Variants in PDZRN3 observed in about 807,000 individuals in gnomAD.
PDZRN3 encodes the protein PDZ domain containing ring finger 3, also known as E3 ubiquitin-protein ligase PDZRN3.
In PDZRN3, 38 loss-of-function variants were observed where a neutral mutation model predicts 85.7. That is an observed-to-expected ratio of 0.44 (90% CI 0.34 to 0.58). The LOEUF (loss-of-function observed/expected upper bound fraction) is 0.58, where lower values mean the gene tolerates loss of function less well. Ranked by LOEUF, PDZRN3 falls within the 20% of genes least tolerant of loss-of-function variation. The pLI is 0.01. For synonymous variants in PDZRN3, 759 were observed against 638.0 expected (o/e 1.19, Z -2.86); for missense variants, 1,629 against 1,506.4 (o/e 1.08, Z -1.35).
chr3:73,569,417 C>A, intron 3 of PDZRN3: 2 of 1,152,756 alleles, frequency 1.7e-6, no homozygotes, highest in Non-Finnish European at 2.2e-6. Flanking sequence ...GTACATATTT[C>A]CTGTCTCTTC....
At chr3:73,456,808 C>G (rs1267776902) in intron 3 of PDZRN3, among the ~76,000 whole-genome samples, 1 of 152,114 alleles carries the variant, frequency 6.6e-6, no homozygotes, top group Non-Finnish European at 1.5e-5. Context: ...ATACCACAGG[C>G]ATAAATACTG....
intron 3 of PDZRN3, among the ~76,000 whole-genome samples, chr3:73,566,644 G>A (rs1346178205): frequency 6.6e-6 from 1 of 152,088 alleles, no homozygotes; most frequent in Non-Finnish European, 1.5e-5. Flanking sequence ...CAGAGAAAGT[G>A]CATAAATCCC....
intron 3 of PDZRN3, among the ~76,000 whole-genome samples, chr3:73,438,660 A>C (rs1020515292): frequency 6.6e-6 from 1 of 152,046 alleles, no homozygotes; most frequent in Non-Finnish European, 1.5e-5. Flanking sequence ...TTTCCTGGGG[A>C]TCTTTCCATC....
intron 3 of PDZRN3, among the ~76,000 whole-genome samples, chr3:73,426,382 C>A: frequency 6.6e-6 from 1 of 152,124 alleles, no homozygotes; most frequent in Admixed American, 6.5e-5. Context: ...TTATCACAAG[C>A]TGATGAATAT....
chr3:73,493,729 C>T (rs1160644132), intron 3 of PDZRN3, among the ~76,000 whole-genome samples: 1 of 152,192 alleles, frequency 6.6e-6, no homozygotes, highest in Non-Finnish European at 1.5e-5. Context: ...TGCCTCAGGC[C>T]TGGCTAGTCA....
At chr3:73,602,556 T>C (rs1575759525) in intron 2 of PDZRN3, 95 bp from the exon 3 acceptor site, 1 of 710,102 alleles carries the variant, frequency 1.4e-6, no homozygotes, top group East Asian at 2.5e-5. Flanking sequence ...TGACTCTTGC[T>C]GTGTCAAGAG....
chr3:73,531,960 C>A (rs1575714934), intron 3 of PDZRN3, among the ~76,000 whole-genome samples: 1 of 152,200 alleles, frequency 6.6e-6, no homozygotes, highest in Non-Finnish European at 1.5e-5. Flanking sequence ...AAACTCCAGA[C>A]TTTTCTGTAA....
chr3:73,554,729 T>C (rs927179761), intron 3 of PDZRN3, among the ~76,000 whole-genome samples: 1 of 152,204 alleles, frequency 6.6e-6, no homozygotes, highest in African/African-American at 2.4e-5. Flanking sequence ...GCAGTGAATA[T>C]GCTCTTTCAC....
chr3:73,503,168 A>C (rs1481663665), intron 3 of PDZRN3, among the ~76,000 whole-genome samples: 1 of 152,212 alleles, frequency 6.6e-6, no homozygotes, highest in Admixed American at 6.5e-5. Context: ...AACCCAGTCC[A>C]TTTAAAAGAA....
intron 3 of PDZRN3, among the ~76,000 whole-genome samples, chr3:73,596,599 T>A (rs115781755): frequency 0.017 from 2,642 of 152,302 alleles, 39 homozygotes; most frequent in Non-Finnish European, 0.025. Flanking sequence ...ATCACTTCTG[T>A]GGTATTCTTG....
chr3:73,517,807 A>T (rs1704281483), intron 3 of PDZRN3, among the ~76,000 whole-genome samples: 1 of 152,254 alleles, frequency 6.6e-6, no homozygotes, highest in Non-Finnish European at 1.5e-5. Context: ...ATAAATGGTT[A>T]AGACAAAAAC....
intron 3 of PDZRN3, among the ~76,000 whole-genome samples, chr3:73,484,880 G>A (rs1243290278): frequency 6.6e-6 from 1 of 152,116 alleles, no homozygotes; most frequent in Non-Finnish European, 1.5e-5. Flanking sequence ...AGGAGGCCTG[G>A]GCTTTCTTTT....
intron 3 of PDZRN3, among the ~76,000 whole-genome samples, chr3:73,544,784 A>G (rs967670252): frequency 6.6e-6 from 1 of 152,050 alleles, no homozygotes; most frequent in Non-Finnish European, 1.5e-5. Context: ...TGAGAAGGAA[A>G]TATCTGTTGG....
rs191738066 is a variant in PDZRN3 at position 73,592,682 on chromosome 3, C to T, written c.918+9672G>A. 8.5e-5 allele frequency among the ~76,000 whole-genome samples: 13 copies of T among 152,242 alleles called. No individual in the cohort carries two copies. In the East Asian group the frequency reaches 1.5e-3, roughly 18 times the overall value. On this transcript the variant is annotated intron_variant, in intron 3 of 9. Coordinates refer to ENST00000263666, the MANE Select transcript of PDZRN3 (RefSeq NM_015009.3). ...TCATTCCATACCAGCTGCTCTCCAC[C>T]GTGAGGCTCAAAGTAATCATTAATC...
At chr3:73,591,003 G>A (rs1702349857) in intron 3 of PDZRN3, among the ~76,000 whole-genome samples, 1 of 152,100 alleles carries the variant, frequency 6.6e-6, no homozygotes, top group African/African-American at 2.4e-5. Flanking sequence ...ATGCATTCCT[G>A]AATGATCAAA....
intron 1 of PDZRN3, among the ~76,000 whole-genome samples, chr3:73,617,073 C>T (rs916326840): frequency 1.3e-5 from 2 of 152,248 alleles, no homozygotes; most frequent in African/African-American, 2.4e-5. Flanking sequence ...AGCAAAGACA[C>T]GGGGCACCTA....
At position 73,404,192 on chromosome 3, in the gene PDZRN3, G is replaced by C. The variant is rs1398761262; in HGVS notation, c.1122C>G (p.Ser374=). 11 of 1,613,892 alleles carry C rather than the reference G, an allele frequency of 6.8e-6. No homozygotes were observed. Among genetic ancestry groups the C allele is most frequent in the East Asian group, 4.5e-5 (2 of 44,888 alleles). Residue 374 remains serine (S), a synonymous_variant, in exon 4 of 10, where the codon TCC becomes TCG. Transcript: ENST00000263666. ...FEHIMALTKM[S]SPSPPVLDPY... Reference sequence around the variant, plus strand: ...GATCCAGCACGGGTGGGCTGGGAGAGGACATCTTAGTGAGGGCCATGATAT... The same window carrying C: ...GATCCAGCACGGGTGGGCTGGGAGACGACATCTTAGTGAGGGCCATGATAT...
chr3:73,406,648 A>G (rs1488602980), intron 3 of PDZRN3, among the ~76,000 whole-genome samples: 1 of 152,032 alleles, frequency 6.6e-6, no homozygotes, highest in Non-Finnish European at 1.5e-5. Context: ...AGATATTAGG[A>G]TTTTCGAGTG....
At chr3:73,621,875 CCA>C (rs1238460127) in intron 1 of PDZRN3, 1 of 152,190 alleles carries the variant, frequency 6.6e-6, no homozygotes, top group Non-Finnish European at 1.5e-5. Context: ...TCAAAAACAT[CCA>C]CAGTTTTGAT....
Sources: gnomAD v4.1 joint callset for allele counts (sites outside exome capture counted in the v4.1 genomes callset) on GRCh38, gnomAD v4.1.1 for gene constraint, MANE v1.5 for transcripts, NCBI Gene and HGNC (gene_info 2026-07-23, HGNC 2026-07-21) for gene names.